The following PROSER2 variants were observed in gnomAD, a reference collection of about 807,000 sequenced individuals.
The protein encoded by PROSER2 is proline and serine-rich protein 2.
In PROSER2, 18 loss-of-function variants were observed where a neutral mutation model predicts 14.6. That is an observed-to-expected ratio of 1.23 (90% CI 0.85 to 1.83). PROSER2 has a LOEUF of 1.83. Among genes scored for constraint, PROSER2 ranks in the 40% most tolerant of loss-of-function variants. PROSER2 has a pLI of 0.00. For synonymous variants in PROSER2, 367 were observed against 286.4 expected, an observed-to-expected ratio of 1.28 and a Z score of -2.84; for missense variants, 823 against 629.8, an observed-to-expected ratio of 1.31 and a Z score of -3.28.
At chr10:11,868,044 C>T (rs1025500796) in intron 3 of PROSER2, among the ~76,000 whole-genome samples, 5 of 152,192 alleles carry the variant, frequency 3.3e-5, no homozygotes, top group South Asian at 2.1e-4. Context: ...TCACATACTA[C>T]GGTTATGGAT....
intron 1 of PROSER2, among the ~76,000 whole-genome samples, chr10:11,839,561 T>G (rs1221090707): frequency 6.6e-6 from 1 of 152,208 alleles, no homozygotes; most frequent in East Asian, 1.9e-4. Context: ...GCGCGGTGGC[T>G]CACGCCTGTA....
chr10:11,870,310 C>T lies in PROSER2; in HGVS notation c.1212C>T (p.Pro404=), dbSNP rs907876079. ...DWRRADSLPR[P]QGITVQFAGR... Reference sequence around the variant, plus strand: ...GCCGCGCAGACTCCCTGCCCCGGCCCCAGGGCATCACCGTGCAGTTCGCGG... The same window carrying T: ...GCCGCGCAGACTCCCTGCCCCGGCCTCAGGGCATCACCGTGCAGTTCGCGG... The change falls in exon 4 of 4, where the codon CCC becomes CCT. Residue 404 remains proline, a synonymous_variant. Coordinates refer to ENST00000277570, the MANE Select transcript of PROSER2 (RefSeq NM_153256.4). The T allele has an allele frequency of 3.3e-6, 5 of 1,495,912 alleles. No homozygotes were observed. The South Asian group carries it at 3.8e-5, about 11-fold the overall frequency. The allele number at this position is 1,495,912 out of a possible 1,614,324, so 92.7% of individuals were successfully genotyped here.
intron 2 of PROSER2, among the ~76,000 whole-genome samples, chr10:11,864,244 G>A (rs567494945): frequency 5.3e-5 from 8 of 152,102 alleles, no homozygotes; most frequent in Admixed American, 1.3e-4. Flanking sequence ...ATTGTCTCCC[G>A]GCTTCTGGTG....
Position 11,871,252 on chromosome 10 carries a change from A to G in PROSER2, c.*846A>G, listed in dbSNP as rs1588504177. ...CAGCGCTTCCTATTCTTGGGTAGAC[A>G]GAGCCACCTCAGCATCCTGATGGAT... is the stretch of plus-strand genomic sequence containing the variant. On this transcript the variant is annotated 3_prime_UTR_variant, in exon 4 of 4. Coordinates refer to ENST00000277570, the MANE Select transcript of PROSER2 (RefSeq NM_153256.4). 4 of 152,250 alleles carry G rather than the reference A, an allele frequency of 2.6e-5. No homozygotes were observed. The South Asian group carries it at 8.3e-4, about 31-fold the overall frequency. 9.4% of individuals were successfully genotyped at this position (152,250 alleles called of 1,614,324 possible).
At chr10:11,854,764 A>G (rs1015593876) in intron 2 of PROSER2, among the ~76,000 whole-genome samples, 2 of 152,112 alleles carry the variant, frequency 1.3e-5, no homozygotes, top group African/African-American at 4.8e-5. Flanking sequence ...AAACAGTCAC[A>G]TGACACTTGA....
chr10:11,859,849 A>G (rs536881415), intron 2 of PROSER2, among the ~76,000 whole-genome samples: 1 of 152,352 alleles, frequency 6.6e-6, no homozygotes, highest in African/African-American at 2.4e-5. Flanking sequence ...TCCTGAAAAG[A>G]AATCATGGCC....
intron 1 of PROSER2, among the ~76,000 whole-genome samples, chr10:11,825,984 C>G (rs1019767488): frequency 2.0e-5 from 3 of 152,040 alleles, no homozygotes; most frequent in Non-Finnish European, 4.4e-5. Context: ...TATCAAGTTC[C>G]AGAACTTTTT....
Position 11,869,675 on chromosome 10 carries a change from AC to A in PROSER2, c.578del (p.Thr193SerfsTer160). ...CCCCAGACTCCTGCGCTCTGTTCCC[AC>A]GCCCCTCGTTATGGCGCAGAAGATT... ...EHPRLLRSVP[T>X]PLVMAQKISE... On this transcript the variant is annotated frameshift_variant, in exon 4 of 4. Coordinates refer to ENST00000277570, the MANE Select transcript of PROSER2 (RefSeq NM_153256.4). LOFTEE classifies it low-confidence loss of function (END_TRUNC). This position sits in a 1 kb window ranked among gnomAD's most constrained non-coding sequence, Gnocchi z 4.4. The A allele has an allele frequency of 6.3e-7, 1 of 1,598,398 alleles. No homozygotes were observed.
chr10:11,844,685 G>A (rs922968163), intron 1 of PROSER2, among the ~76,000 whole-genome samples: 1 of 152,098 alleles, frequency 6.6e-6, no homozygotes, highest in African/African-American at 2.4e-5. Flanking sequence ...GCAGTGGCAC[G>A]ATCTCAGCTC....
At position 11,870,473 on chromosome 10, in the gene PROSER2, A is replaced by C. The variant is rs993644960; in HGVS notation, c.*67A>C. The C allele has an allele frequency of 7.8e-6, 10 of 1,281,100 alleles. No individual in the cohort carries two copies. The highest frequency in any genetic ancestry group is 3.2e-5 in the African/African-American group (2 of 62,990). 79.4% of individuals were successfully genotyped at this position (1,281,100 alleles called of 1,614,324 possible). ...GAAGAGAGGGTGAAAGAGTCGCTGC[A>C]CCCAGGAGCTGTTTGGTCTAAAATG... On this transcript the variant is annotated 3_prime_UTR_variant, in exon 4 of 4. Coordinates refer to ENST00000277570, the MANE Select transcript of PROSER2 (RefSeq NM_153256.4).
chr10:11,851,456 C>A lies in PROSER2; in HGVS notation c.-81-541C>A, dbSNP rs1834015799. On this transcript the variant is annotated intron_variant, in intron 1 of 3. Coordinates refer to ENST00000277570, the MANE Select transcript of PROSER2 (RefSeq NM_153256.4). ...GTAACATGTTAGCTCTTGTCACCTC[C>A]CCTCAAGTCTGAACTGTAACAGAGC... 2.0e-5 allele frequency: 3 copies of A among 152,224 alleles called. No individual in the cohort carries two copies. The South Asian group carries it at 6.2e-4, about 32-fold the overall frequency. The allele number at this position is 152,224 out of a possible 1,614,324, so 9.4% of individuals were successfully genotyped here. A position where few individuals can be genotyped will look rare whatever the true frequency, so the allele number is the denominator to read the frequency against.
At chr10:11,825,404 T>G (rs11812687) in intron 1 of PROSER2, among the ~76,000 whole-genome samples, 9 of 152,158 alleles carry the variant, frequency 5.9e-5, no homozygotes, top group Non-Finnish European at 1.0e-4. Flanking sequence ...CGTTTCACTT[T>G]CCTTTGCACT....
At chr10:11,855,772 TACA>T in intron 2 of PROSER2, among the ~76,000 whole-genome samples, 1 of 152,078 alleles carries the variant, frequency 6.6e-6, no homozygotes, top group Non-Finnish European at 1.5e-5. Context: ...ACAAAACAAA[TACA>T]TAAATTCTAG....
rs1834443541 is a variant in PROSER2, at chr10:11,870,032, T to G, written c.934T>G (p.Ser312Ala). 3.2e-6 allele frequency: 4 copies of G among 1,233,942 alleles called. No individual in the cohort carries two copies. The highest frequency in any genetic ancestry group is 4.4e-5 in the Admixed American group (1 of 22,700). The allele number at this position is 1,233,942 out of a possible 1,614,324, so 76.4% of individuals were successfully genotyped here. A position where few individuals can be genotyped will look rare whatever the true frequency, so the allele number is the denominator to read the frequency against. Residue 312 changes from serine to alanine, a missense_variant, in exon 4 of 4, where the codon TCC (serine) becomes GCC (alanine). Coordinates refer to ENST00000277570, the MANE Select transcript of PROSER2 (RefSeq NM_153256.4). Reference protein sequence around the residue: ...AGEGAPGGGSSPERVARGRGL... With the variant: ...AGEGAPGGGSAPERVARGRGL... The stretch of plus-strand genomic sequence containing the variant: ...CGAGGGGGCCCCAGGGGGCGGCTCC[T>G]CCCCGGAGCGGGTGGCGCGTGGCCG...
intron 1 of PROSER2, among the ~76,000 whole-genome samples, chr10:11,834,952 C>T (rs11257352): frequency 0.38 from 57,885 of 151,418 alleles, 11,527 homozygotes; most frequent in East Asian, 0.59. Context: ...ACTAAAAATA[C>T]AAAAATTAGC....
rs2131090928 is a variant in PROSER2 at position 11,865,076 on chromosome 10, A to G, written c.139-1455A>G. ...TTTGGAAACTCACCTGTTCCTGTTT[A>G]GGGGCATTTCCCTGAATTATTTTAT... On this transcript the variant is annotated intron_variant, in intron 2 of 3. Coordinates refer to ENST00000277570, the MANE Select transcript of PROSER2 (RefSeq NM_153256.4). This position sits in a 1 kb window ranked among gnomAD's most constrained non-coding sequence, Gnocchi z 4.2. 6.6e-6 allele frequency among the ~76,000 whole-genome samples: 1 copy of G among 152,202 alleles called. No homozygotes were observed. Among genetic ancestry groups the G allele is most frequent in the Non-Finnish European group, 1.5e-5 (1 of 68,002 alleles).
rs1834487314 is a variant in PROSER2 at position 11,871,419 on chromosome 10, G to A, written c.*1013G>A. ...AGTAATATTCCCTGCTTCCAAGTAA[G>A]CAAGACTGTTCACTAAAGAAGGAAC... On this transcript the variant is annotated 3_prime_UTR_variant, in exon 4 of 4. Transcript: ENST00000277570. 2 of 152,166 alleles carry A rather than the reference G, an allele frequency of 1.3e-5. No individual in the cohort carries two copies. Among genetic ancestry groups the A allele is most frequent in the Admixed American group, 6.5e-5 (1 of 15,282 alleles). 9.4% of individuals were successfully genotyped at this position (152,166 alleles called of 1,614,324 possible).
intron 1 of PROSER2, among the ~76,000 whole-genome samples, chr10:11,848,757 G>A (rs1833965254): frequency 6.6e-6 from 1 of 152,176 alleles, no homozygotes; most frequent in Non-Finnish European, 1.5e-5. Context: ...GTTGTATCTT[G>A]TGCTTGAGCT....
chr10:11,824,656 G>A (rs1833586069), intron 1 of PROSER2, among the ~76,000 whole-genome samples: 1 of 152,162 alleles, frequency 6.6e-6, no homozygotes, highest in Non-Finnish European at 1.5e-5. Flanking sequence ...AGTTGACAGC[G>A]TATGTATGGA....
Sources: gnomAD v4.1 joint callset for allele counts (sites outside exome capture counted in the v4.1 genomes callset) on GRCh38, gnomAD v4.1.1 for gene constraint, Gnocchi (gnomAD v3.1) non-coding constraint, MANE v1.5 for transcripts, NCBI Gene and HGNC (gene_info 2026-07-23, HGNC 2026-07-21) for gene names.